Variants in GPC5 observed in about 807,000 individuals in gnomAD.
GPC5 encodes the protein glypican-5.
In GPC5, 47 loss-of-function variants were observed where a neutral mutation model predicts 53.9. That is an observed-to-expected ratio of 0.87 (90% CI 0.69 to 1.11). The LOEUF is 1.11. GPC5 is among the 50% of genes most tolerant of loss of function. GPC5 has a pLI of 0.00. For missense variants in GPC5, 748 were observed against 713.1 expected (o/e 1.05, Z -0.56); for synonymous variants, 286 against 263.3 (o/e 1.09, Z -0.84).
chr13:91,425,431 A>C (rs1376918576), intron 1 of GPC5, among the ~76,000 whole-genome samples: 1 of 152,146 alleles, frequency 6.6e-6, no homozygotes, highest in Non-Finnish European at 1.5e-5. Flanking sequence ...AAGTGATTGG[A>C]TCATGGGAGC....
intron 7 of GPC5, among the ~76,000 whole-genome samples, chr13:92,603,461 G>A (rs1311116680): frequency 2.0e-5 from 3 of 152,116 alleles, no homozygotes; most frequent in African/African-American, 7.2e-5. Flanking sequence ...AACCTAGATT[G>A]TATGATTTAG....
chr13:92,073,028 TAA>T (rs1055932106), intron 6 of GPC5, among the ~76,000 whole-genome samples: 2 of 110,630 alleles, frequency 1.8e-5, no homozygotes, highest in African/African-American at 6.0e-5. Context: ...TCATCTTACT[TAA>T]ACCTACCTCT....
chr13:92,319,035 C>G (rs1265876362), intron 7 of GPC5, among the ~76,000 whole-genome samples: 1 of 152,080 alleles, frequency 6.6e-6, no homozygotes, highest in East Asian at 1.9e-4. Flanking sequence ...GGCAAAGACC[C>G]TTAAACATTA....
In GPC5 at chr13:92,282,114, A is replaced by G. The variant is rs920358875; in HGVS notation, c.1561+137125A>G. On this transcript the variant is annotated intron_variant, in intron 7 of 7. Transcript: ENST00000377067. The stretch of plus-strand genomic sequence containing the variant: ...ATGTGACGAATGCACAAGCTTCAGT[A>G]GCCGATTCGATCAACTGGAAGAAAG... Among the ~76,000 whole-genome samples the G allele has an allele frequency of 5.3e-4, 81 of 152,364 alleles. 1 individual carries two copies. Among genetic ancestry groups the G allele is most frequent in the Admixed American group, 3.8e-3 (58 of 15,304 alleles).
intron 6 of GPC5, among the ~76,000 whole-genome samples, chr13:92,024,260 A>G (rs2040783165): frequency 1.3e-5 from 2 of 152,106 alleles, no homozygotes; most frequent in Non-Finnish European, 2.9e-5. Context: ...TTTTTGTTTT[A>G]TATATTTTCA....
intron 7 of GPC5, among the ~76,000 whole-genome samples, chr13:92,294,649 C>T (rs1342665027): frequency 6.6e-6 from 1 of 151,898 alleles, no homozygotes; most frequent in East Asian, 1.9e-4. Context: ...GTTCAAAGAA[C>T]CAGCTATTTC....
At chr13:91,546,215 C>T (rs1217490092) in intron 2 of GPC5, among the ~76,000 whole-genome samples, 1 of 152,034 alleles carries the variant, frequency 6.6e-6, no homozygotes, top group African/African-American at 2.4e-5. Flanking sequence ...AATAGGAAAA[C>T]AGCTGCTGCA....
intron 3 of GPC5, among the ~76,000 whole-genome samples, chr13:91,696,662 G>T (rs2035884783): frequency 6.6e-6 from 1 of 152,082 alleles, no homozygotes; most frequent in South Asian, 2.1e-4. Flanking sequence ...TAAAATATCT[G>T]TGGAGATACC....
intron 6 of GPC5, among the ~76,000 whole-genome samples, chr13:92,094,153 G>A (rs908790272): frequency 1.9e-4 from 29 of 152,062 alleles, no homozygotes; most frequent in African/African-American, 5.6e-4. Flanking sequence ...TTCAATGTTT[G>A]GTAGCTGTTT....
chr13:92,056,465 G>T (rs1012847814), intron 6 of GPC5, among the ~76,000 whole-genome samples: 2 of 152,118 alleles, frequency 1.3e-5, no homozygotes, highest in African/African-American at 4.8e-5. Context: ...GAAAATCTTT[G>T]GGGGAGGGGG....
At chr13:92,865,224 T>G (rs913224036) in intron 7 of GPC5, among the ~76,000 whole-genome samples, 5 of 152,168 alleles carry the variant, frequency 3.3e-5, no homozygotes, top group Non-Finnish European at 7.3e-5. Context: ...TCTTGGTGTA[T>G]GACTTTGCCC....
chr13:92,417,192 A>T (rs753005345), intron 7 of GPC5, among the ~76,000 whole-genome samples: 8 of 152,222 alleles, frequency 5.3e-5, no homozygotes, highest in Non-Finnish European at 1.0e-4. Context: ...AAAGACCTGA[A>T]TTTTTTCCAA....
chr13:92,692,754 ATTTTTTTTTT>A (rs71272284), intron 7 of GPC5, among the ~76,000 whole-genome samples: 1 of 81,050 alleles, frequency 1.2e-5, no homozygotes, highest in African/African-American at 4.8e-5. Flanking sequence ...AATATCGGCT[ATTTTTTTTTT>A]TTTTTTTTTT....
intron 2 of GPC5, among the ~76,000 whole-genome samples, chr13:91,599,944 C>T (rs976567897): frequency 1.2e-4 from 18 of 152,090 alleles, no homozygotes; most frequent in East Asian, 5.8e-4. Flanking sequence ...TTTTTTGAAA[C>T]GGAGCCTTGC....
At chr13:92,661,215 A>G (rs2139185869) in intron 7 of GPC5, among the ~76,000 whole-genome samples, 1 of 152,230 alleles carries the variant, frequency 6.6e-6, no homozygotes, top group African/African-American at 2.4e-5. Context: ...GGATCACTTG[A>G]GTCCAAGAGG....
At chr13:91,471,100 C>T (rs1226324362) in intron 2 of GPC5, among the ~76,000 whole-genome samples, 3 of 152,078 alleles carry the variant, frequency 2.0e-5, no homozygotes, top group Non-Finnish European at 2.9e-5. Flanking sequence ...TTAAAGGTGC[C>T]GGTTATGGAG....
intron 7 of GPC5, among the ~76,000 whole-genome samples, chr13:92,296,523 T>A (rs768645903): frequency 4.6e-5 from 7 of 152,174 alleles, no homozygotes; most frequent in Non-Finnish European, 8.8e-5. Context: ...GAGCCCTCGC[T>A]TGCTCTCAGC....
intron 7 of GPC5, among the ~76,000 whole-genome samples, chr13:92,469,033 G>T (rs551216784): frequency 3.9e-5 from 6 of 152,194 alleles, no homozygotes; most frequent in Non-Finnish European, 5.9e-5. Context: ...GTTCCATGAT[G>T]TCTTATATTT....
rs191721350 is a variant in GPC5, at chr13:92,109,043, G to A, written c.1402-35787G>A. Among the ~76,000 whole-genome samples the A allele has an allele frequency of 3.5e-4, 48 of 138,228 alleles. 1 individual carries two copies. In the East Asian group the frequency reaches 0.01, roughly 30 times the overall value. The allele number at this position is 138,228 out of a possible 152,430, so 90.7% of individuals were successfully genotyped here. A position where few individuals can be genotyped will look rare whatever the true frequency, so the allele number is the denominator to read the frequency against. On this transcript the variant is annotated intron_variant, in intron 6 of 7. Transcript: ENST00000377067. ...GCTGTTTTCTTGTAGCGCCTTCTAT[G>A]TATGTATCAATATGTTGGTTTTTTT...
Sources: gnomAD v4.1 joint callset for allele counts (sites outside exome capture counted in the v4.1 genomes callset) on GRCh38, gnomAD v4.1.1 for gene constraint, MANE v1.5 for transcripts, NCBI Gene and HGNC (gene_info 2026-07-23, HGNC 2026-07-21) for gene names.